The following TBCE variants were observed in gnomAD, a reference collection of about 807,000 sequenced individuals.
TBCE encodes the protein tubulin folding cofactor E.
A neutral mutation model predicts 77.0 loss-of-function variants in TBCE; 53 were observed. The observed-to-expected ratio is 0.69, with a 90% confidence interval of 0.55 to 0.87. The LOEUF is 0.87. Among genes scored for constraint, TBCE ranks in the 40% least tolerant of loss-of-function variants. TBCE has a pLI of 0.00. For missense variants in TBCE, 624 were observed against 622.4 expected, an observed-to-expected ratio of 1.00 and a Z score of -0.03; for synonymous variants, 235 against 241.3, an observed-to-expected ratio of 0.97 and a Z score of 0.24.
In TBCE at chr1:235,384,801, G is replaced by A. The variant is rs537658848; in HGVS notation, c.100+4652G>A. Among the ~76,000 whole-genome samples the A allele has an allele frequency of 2.6e-5, 4 of 152,008 alleles. No individual in the cohort carries two copies. The South Asian group carries it at 8.3e-4, about 32-fold the overall frequency. On this transcript the variant is annotated intron_variant, in intron 2 of 16. Coordinates refer to ENST00000642610, the MANE Select transcript of TBCE (RefSeq NM_003193.5). ...TCATTAGATTTTTGAAGGGTTTTTT[G>A]TGTCTCTATTTCCTTCAGTTCTGCT...
intron 8 of TBCE, 44 bp from the exon 9 acceptor site, chr1:235,435,701 T>C (rs768836850): frequency 8.4e-6 from 13 of 1,544,924 alleles, no homozygotes; most frequent in Non-Finnish European, 1.1e-5. Context: ...TTGAAAACAA[T>C]TAAGAGATAA....
At chr1:235,378,514 G>A (rs1466138340) in intron 1 of TBCE, among the ~76,000 whole-genome samples, 7 of 152,124 alleles carry the variant, frequency 4.6e-5, no homozygotes, top group South Asian at 4.1e-4. Flanking sequence ...ATGAGCAACC[G>A]TGCCCAGCCA....
intron 3 of TBCE, among the ~76,000 whole-genome samples, chr1:235,404,096 A>G (rs942762890): frequency 1.8e-4 from 28 of 152,096 alleles, no homozygotes. Flanking sequence ...GGACAATATG[A>G]TGAAACCCTA....
At chr1:235,376,136 G>T (rs1309447523) in intron 1 of TBCE, among the ~76,000 whole-genome samples, 1 of 152,086 alleles carries the variant, frequency 6.6e-6, no homozygotes, top group East Asian at 1.9e-4. Context: ...GGTCATGTCT[G>T]TGGGCACAGC....
rs148233223 is a variant in TBCE at position 235,448,675 on chromosome 1, G to T, written c.1497G>T (p.Pro499=). The T allele has an allele frequency of 1.9e-6, 3 of 1,613,570 alleles. No individual in the cohort carries two copies. The highest frequency in any genetic ancestry group is 1.1e-5 in the South Asian group (1 of 91,046). The stretch of plus-strand genomic sequence containing the variant: ...CACCTTCGTTCTAATTTTAGAAGCC[G>T]GGCAGAGAAATCGAGCTGGAAAATG... ...LLLSYESPKK[P]GREIELENDL... Residue 499 remains proline, a synonymous_variant, in exon 17 of 17, where the codon CCG becomes CCT. Coordinates refer to ENST00000642610, the MANE Select transcript of TBCE (RefSeq NM_003193.5).
In TBCE at chr1:235,397,030, A is replaced by ACT. The variant is rs1433576831; in HGVS notation, c.101-4473_101-4472insCT. On this transcript the variant is annotated intron_variant, in intron 2 of 16. Transcript: ENST00000642610. ...TCGCTCTGTCTCCAAGCTGGAGTGCAGTAGCGCCATCTTGGCTCACTGCAA... is the reference window on the plus strand; with the variant it reads ...TCGCTCTGTCTCCAAGCTGGAGTGCACTGTAGCGCCATCTTGGCTCACTGCAA... 2.6e-5 allele frequency among the ~76,000 whole-genome samples: 4 copies of ACT among 151,918 alleles called. No homozygotes were observed. The East Asian group carries it at 7.8e-4, about 30-fold the overall frequency.
chr1:235,438,367 GA>G (rs1214286134), intron 12 of TBCE, among the ~76,000 whole-genome samples: 8 of 152,060 alleles, frequency 5.3e-5, no homozygotes, highest in Non-Finnish European at 1.0e-4. Context: ...CTAACACGGC[GA>G]AACCCCGTCT....
In TBCE at chr1:235,433,081, C is replaced by T. The variant is rs370122779; in HGVS notation, c.661-1123C>T. ...CAGTGCCAAGGACCACACATCCATG[C>T]GGATGAACGTGGCCAAGGCCAGTGA... On this transcript the variant is annotated intron_variant, in intron 7 of 16. Transcript: ENST00000642610. 5.0e-4 allele frequency: 769 copies of T among 1,550,636 alleles called. 13 individuals are homozygous for T. In the South Asian group the frequency reaches 8.6e-3, roughly 17 times the overall value.
chr1:235,414,758 T>C (rs1680019847), intron 4 of TBCE, 140 bp downstream of exon 4: 3 of 784,218 alleles, frequency 3.8e-6, no homozygotes, highest in Non-Finnish European at 6.4e-6. Flanking sequence ...AATCAAAATC[T>C]GAGGAATCCA....
intron 15 of TBCE, among the ~76,000 whole-genome samples, chr1:235,447,764 TAAGA>T (rs1396883823): frequency 1.3e-5 from 2 of 152,306 alleles, no homozygotes; most frequent in Middle Eastern, 3.4e-3. Flanking sequence ...TTATTCAGAT[TAAGA>T]AAGAAATACA....
Position 235,440,483 on chromosome 1 carries a change from C to G in TBCE, c.1271-1331C>G, listed in dbSNP as rs142733922. On this transcript the variant is annotated intron_variant, in intron 13 of 16. Coordinates refer to ENST00000642610, the MANE Select transcript of TBCE (RefSeq NM_003193.5). ...TCTCGGCTCACTGCAACCTCTACCT[C>G]CTGGGTTCAAGTGATTCTCCTGCTT... 8.5e-3 allele frequency among the ~76,000 whole-genome samples: 1,291 copies of G among 152,142 alleles called. 15 individuals carry two copies. The highest frequency in any genetic ancestry group is 0.03 in the African/African-American group (1,245 of 41,484).
chr1:235,448,487 G>C, intron 16 of TBCE, 47 bp downstream of exon 16: 1 of 1,559,054 alleles, frequency 6.4e-7, no homozygotes, highest in Non-Finnish European at 8.8e-7. Context: ...CTTAGTCCTC[G>C]TATTATGACA....
intron 11 of TBCE, 111 bp from the exon 12 acceptor site, chr1:235,437,211 T>G (rs1358509349): frequency 7.5e-7 from 1 of 1,332,710 alleles, no homozygotes; most frequent in Non-Finnish European, 1.1e-6. Flanking sequence ...ATGATGAAAT[T>G]CCCTGCCTCA....
At chr1:235,391,600 C>CTTTTTTTTTTTTT (rs58265980) in intron 2 of TBCE, among the ~76,000 whole-genome samples, 1 of 85,398 alleles carries the variant, frequency 1.2e-5, no homozygotes, top group Non-Finnish European at 2.1e-5. Context: ...GCTTCATTTC[C>CTTTTTTTTTTTTT]TTTTTTTTTT....
chr1:235,441,730 C>T (rs1681889134), intron 13 of TBCE, 84 bp from the exon 14 acceptor site: 5 of 1,297,256 alleles, frequency 3.9e-6, no homozygotes, highest in Non-Finnish European at 5.5e-6. Context: ...TGGACGCTTA[C>T]CTATCCTTTG....
chr1:235,401,481 T>C, intron 2 of TBCE, 22 bp from the exon 3 acceptor site: 1 of 1,604,668 alleles, frequency 6.2e-7, no homozygotes. Flanking sequence ...TGTTACTCAT[T>C]TGGTTTTTCT....
chr1:235,426,804 C>G (rs1680738998), intron 5 of TBCE, among the ~76,000 whole-genome samples: 2 of 152,184 alleles, frequency 1.3e-5, no homozygotes. Flanking sequence ...TGCCACCACA[C>G]CTGGTTAATT....
At chr1:235,373,302 T>C (rs10157588) in intron 1 of TBCE, among the ~76,000 whole-genome samples, 2 of 152,280 alleles carry the variant, frequency 1.3e-5, no homozygotes, top group African/African-American at 4.8e-5. Context: ...AATACAATTG[T>C]AGTAAAATTT....
intron 2 of TBCE, among the ~76,000 whole-genome samples, chr1:235,400,504 C>T (rs1302828502): frequency 7.0e-6 from 1 of 143,042 alleles, no homozygotes; most frequent in Non-Finnish European, 1.5e-5. Flanking sequence ...GGGTTCACGC[C>T]GTTCTCCTGT....
Sources: gnomAD v4.1 joint callset for allele counts (sites outside exome capture counted in the v4.1 genomes callset) on GRCh38, gnomAD v4.1.1 for gene constraint, MANE v1.5 for transcripts, NCBI Gene and HGNC (gene_info 2026-07-23, HGNC 2026-07-21) for gene names.